FMN1: variants seen among roughly 807,000 people sequenced by gnomAD.
FMN1 encodes the protein formin-1.
In FMN1, 110 loss-of-function variants were observed where a neutral mutation model predicts 132.4. The observed-to-expected ratio is 0.83, with a 90% CI of 0.71 to 0.97. FMN1 has a LOEUF of 0.97. FMN1 is among the 50% of genes least tolerant of loss of function. The pLI is 0.00. For synonymous variants in FMN1, 722 were observed against 651.7 expected (o/e 1.11, Z -1.64); for missense variants, 1,792 against 1,705.3 (o/e 1.05, Z -0.90).
chr15:33,186,696 G>C (rs1965899811), intron 2 of FMN1, among the ~76,000 whole-genome samples: 1 of 152,224 alleles, frequency 6.6e-6, no homozygotes, highest in South Asian at 2.1e-4. Context: ...TCTCTTGGTT[G>C]CGAGCAAATG....
At chr15:32,797,118 TACCACCTC>T (rs1222194455) in intron 19 of FMN1, among the ~76,000 whole-genome samples, 30 of 152,244 alleles carry the variant, frequency 2.0e-4, no homozygotes, top group African/African-American at 6.5e-4. Flanking sequence ...GACTTCTGGA[TACCACCTC>T]TATGACAGAC....
At chr15:32,965,180 T>C (rs2031080244) in intron 8 of FMN1, among the ~76,000 whole-genome samples, 1 of 152,092 alleles carries the variant, frequency 6.6e-6, no homozygotes, top group Non-Finnish European at 1.5e-5. Flanking sequence ...GGCAGATCAC[T>C]TGGGGTCAGG....
chr15:33,121,624 G>C (rs541500479), intron 4 of FMN1, among the ~76,000 whole-genome samples: 1 of 152,248 alleles, frequency 6.6e-6, no homozygotes, highest in Non-Finnish European at 1.5e-5. Context: ...CACCTCCCGG[G>C]TTCAACTGAT....
At chr15:32,815,540 A>C (rs2058034107) in intron 17 of FMN1, among the ~76,000 whole-genome samples, 2 of 152,244 alleles carry the variant, frequency 1.3e-5, no homozygotes, top group South Asian at 2.1e-4. Flanking sequence ...GGAGCTATAC[A>C]AAACTTAAGA....
At chr15:33,003,362 C>G (rs1357026517) in intron 7 of FMN1, among the ~76,000 whole-genome samples, 1 of 152,170 alleles carries the variant, frequency 6.6e-6, no homozygotes, top group East Asian at 1.9e-4. Context: ...TCTCAGGATA[C>G]AAAATCAATG....
intron 15 of FMN1, among the ~76,000 whole-genome samples, chr15:32,893,314 T>C (rs764450800): frequency 2.0e-5 from 3 of 152,262 alleles, no homozygotes; most frequent in Non-Finnish European, 4.4e-5. Flanking sequence ...AACTCAGGCA[T>C]AGTATCTCTT....
intron 12 of FMN1, 143 bp from the exon 13 acceptor site, chr15:32,902,183 G>A: frequency 1.5e-6 from 1 of 669,994 alleles, no homozygotes; most frequent in Non-Finnish European, 2.4e-6. Flanking sequence ...TAGACTCAAG[G>A]AATTCCAAGG....
At chr15:32,807,618 C>G (rs1273785820) in intron 17 of FMN1, among the ~76,000 whole-genome samples, 1 of 152,150 alleles carries the variant, frequency 6.6e-6, no homozygotes, top group African/African-American at 2.4e-5. Flanking sequence ...TGTGGCCAAG[C>G]CATAACTGTA....
chr15:33,126,875 A>T (rs1963131570), intron 4 of FMN1, among the ~76,000 whole-genome samples: 2 of 152,182 alleles, frequency 1.3e-5, no homozygotes, highest in Non-Finnish European at 2.9e-5. Flanking sequence ...GATACCCATA[A>T]ATAACTGTGG....
intron 19 of FMN1, 78 bp downstream of exon 19, chr15:32,798,726 A>G: frequency 7.9e-7 from 1 of 1,265,858 alleles, no homozygotes; most frequent in East Asian, 2.5e-5. Flanking sequence ...GGTGTGAAAT[A>G]GACACACTTT....
In FMN1 at chr15:33,153,614, G is replaced by A; in HGVS notation, c.1301C>T (p.Pro434Leu). 1 of 1,536,254 alleles carries A rather than the reference G, an allele frequency of 6.5e-7. No individual in the cohort carries two copies. The highest frequency in any genetic ancestry group is 1.2e-5 in the South Asian group (1 of 84,062). Residue 434 changes from proline to leucine, a missense_variant, in exon 4 of 21, where the codon CCT becomes CTT. By Grantham distance (98) the Pro-to-Leu change is moderately conservative. This residue lies in a region of FMN1 where 638 missense variants were observed against 645.2 expected (regional missense o/e 0.99). Coordinates refer to ENST00000616417, the MANE Select transcript of FMN1 (RefSeq NM_001277313.2). ...AGGGAAGCCCAGTCTTTTCCCCTCA[G>A]GGGCTTCATCTAACTTCTCACTCTC... The part of the protein sequence containing the change: ...VIESEKLDEA[P>L]EGKRLGFPVH...
intron 9 of FMN1, among the ~76,000 whole-genome samples, chr15:32,950,577 C>T (rs994537135): frequency 6.6e-6 from 1 of 152,084 alleles, no homozygotes; most frequent in African/African-American, 2.4e-5. Context: ...CCTTAGTAAA[C>T]TAACATAGGA....
rs908323708 is a variant in FMN1 at position 33,119,775 on chromosome 15, T to C, written c.1868-30801A>G. Among the ~76,000 whole-genome samples, 7 of 152,330 alleles carry C rather than the reference T, an allele frequency of 4.6e-5. No individual in the cohort carries two copies. In the South Asian group the frequency reaches 1.5e-3, roughly 32 times the overall value. ...TTGTACTATATTCGTCTTTAAAATGTGTTAGGAATTTCATTTTCAGATTTT... is the reference window on the plus strand; with the variant it reads ...TTGTACTATATTCGTCTTTAAAATGCGTTAGGAATTTCATTTTCAGATTTT... On this transcript the variant is annotated intron_variant, in intron 4 of 20. Coordinates refer to ENST00000616417, the MANE Select transcript of FMN1 (RefSeq NM_001277313.2).
At chr15:33,019,572 G>C (rs887774967) in intron 6 of FMN1, among the ~76,000 whole-genome samples, 3 of 152,186 alleles carry the variant, frequency 2.0e-5, no homozygotes, top group African/African-American at 4.8e-5. Flanking sequence ...GCAGAAGCCC[G>C]GGGCGGTGCG....
At chr15:33,010,425 C>G (rs1298720104) in intron 6 of FMN1, among the ~76,000 whole-genome samples, 1 of 152,044 alleles carries the variant, frequency 6.6e-6, no homozygotes, top group African/African-American at 2.4e-5. Flanking sequence ...AATCCATACA[C>G]ATTAAGTTCA....
rs573333021 is a variant in FMN1 at position 32,890,976 on chromosome 15, A to AC, written c.3715-2685dup. On this transcript the variant is annotated intron_variant, in intron 15 of 20. Coordinates refer to ENST00000616417, the MANE Select transcript of FMN1 (RefSeq NM_001277313.2). ...CATGTGGCTAGCCAATTATCCCAGC[A>AC]CCATTTGTTGAAAAGGGTGTCCTTT... 7.8e-4 allele frequency among the ~76,000 whole-genome samples: 118 copies of AC among 152,204 alleles called. 1 individual carries two copies. The Middle Eastern group carries it at 0.02, about 26-fold the overall frequency.
chr15:32,903,292 C>A (rs1435416499), intron 12 of FMN1, among the ~76,000 whole-genome samples: 1 of 152,140 alleles, frequency 6.6e-6, no homozygotes, highest in Non-Finnish European at 1.5e-5. Context: ...AGTAGAAATT[C>A]ATAGGAATTC....
At chr15:32,796,788 AC>A (rs1212602598) in intron 19 of FMN1, among the ~76,000 whole-genome samples, 1 of 152,238 alleles carries the variant, frequency 6.6e-6, no homozygotes, top group Admixed American at 6.5e-5. Flanking sequence ...GGAGTAATAT[AC>A]ATAATGTGCT....
intron 4 of FMN1, among the ~76,000 whole-genome samples, chr15:33,108,380 C>T (rs1341247570): frequency 6.6e-6 from 1 of 151,920 alleles, no homozygotes; most frequent in Non-Finnish European, 1.5e-5. Context: ...TCTCTTACTC[C>T]CATGAGTAGG....
Sources: allele counts gnomAD v4.1 joint callset (sites outside exome capture counted in the v4.1 genomes callset), GRCh38; gene constraint gnomAD v4.1.1; regional missense constraint gnomAD v4.1.1; transcripts MANE v1.5; gene names NCBI Gene and HGNC (gene_info 2026-07-23, HGNC 2026-07-21).